Variants in WWOX observed in about 807,000 individuals in gnomAD.
The protein encoded by WWOX is WW domain-containing oxidoreductase.
Under a neutral mutation model 46.2 loss-of-function variants are expected in WWOX, and 69 were observed. The ratio of observed to expected loss-of-function variants is 1.49; its 90% CI spans 1.23 to 1.82. The LOEUF is 1.82. WWOX is among the 40% of genes most tolerant of loss of function. The probability of loss-of-function intolerance (pLI) is 0.00; values close to 1 mark genes in which losing one functional copy is unlikely to be tolerated. For synonymous variants in WWOX, 359 were observed against 202.6 expected (o/e 1.77, Z -6.56); for missense variants, 919 against 542.6 (o/e 1.69, Z -6.89).
At chr16:78,360,941 C>T (rs558261734) in intron 5 of WWOX, among the ~76,000 whole-genome samples, 35 of 152,020 alleles carry the variant, frequency 2.3e-4, no homozygotes, top group Non-Finnish European at 4.4e-4. Flanking sequence ...CCACCTCAGT[C>T]TCCTGAGTAT....
intron 5 of WWOX, among the ~76,000 whole-genome samples, chr16:78,255,623 C>T (rs1162452830): frequency 3.9e-5 from 6 of 152,094 alleles, no homozygotes; most frequent in Admixed American, 3.9e-4. Context: ...CTTCTTCCTT[C>T]ACACACACAC....
chr16:78,514,897 A>G (rs751590504), intron 8 of WWOX, among the ~76,000 whole-genome samples: 1 of 152,184 alleles, frequency 6.6e-6, no homozygotes, highest in African/African-American at 2.4e-5. Context: ...AGTTTCATAT[A>G]TCAGGTAGCA....
Position 78,979,718 on chromosome 16 carries a change from C to A in WWOX, c.1057-231890C>A, listed in dbSNP as rs542086491. 8.5e-5 allele frequency among the ~76,000 whole-genome samples: 13 copies of A among 152,268 alleles called. 1 individual carries two copies. The highest frequency in any genetic ancestry group is 2.4e-4 in the African/African-American group (10 of 41,542). On this transcript the variant is annotated intron_variant, in intron 8 of 8. Transcript: ENST00000566780. ...CCGTCCATGCTTGAGGCATGAGATG[C>A]TGAAGATAAAGGTCCCCAGTGGTCC...
At chr16:78,466,077 G>A (rs1475188545) in intron 8 of WWOX, among the ~76,000 whole-genome samples, 1 of 151,886 alleles carries the variant, frequency 6.6e-6, no homozygotes, top group Non-Finnish European at 1.5e-5. Context: ...TGTTGCCCAG[G>A]CTGGAGTGCA....
At chr16:78,218,589 A>T (rs1202121577) in intron 5 of WWOX, among the ~76,000 whole-genome samples, 3 of 152,230 alleles carry the variant, frequency 2.0e-5, no homozygotes, top group Non-Finnish European at 4.4e-5. Flanking sequence ...AAGGAAAAAA[A>T]AAATGTCACG....
chr16:78,567,063 G>C (rs2151567034), intron 8 of WWOX, among the ~76,000 whole-genome samples: 1 of 152,310 alleles, frequency 6.6e-6, no homozygotes, highest in Non-Finnish European at 1.5e-5. Flanking sequence ...CCCACCCTAA[G>C]TGATAGGTGT....
In WWOX at chr16:78,775,477, T is replaced by C. The variant is rs148258764; in HGVS notation, c.1056+342725T>C. Among the ~76,000 whole-genome samples the C allele has an allele frequency of 3.7e-3, 566 of 152,292 alleles. 6 individuals are homozygous for C. The highest frequency in any genetic ancestry group is 0.02 in the South Asian group (95 of 4,812). ...GATACCCAGACTCATTTCTCATCTC[T>C]TGTTGAAACAGAGAAGTCACTGTAG... On this transcript the variant is annotated intron_variant, in intron 8 of 8. Coordinates refer to ENST00000566780, the MANE Select transcript of WWOX (RefSeq NM_016373.4).
chr16:78,800,725 T>C (rs2050864178), intron 8 of WWOX, among the ~76,000 whole-genome samples: 1 of 152,172 alleles, frequency 6.6e-6, no homozygotes, highest in Non-Finnish European at 1.5e-5. Context: ...AATGAGGGAA[T>C]TGTCTAAAAT....
intron 8 of WWOX, among the ~76,000 whole-genome samples, chr16:78,484,160 T>C (rs2084568953): frequency 6.6e-6 from 1 of 152,174 alleles, no homozygotes; most frequent in South Asian, 2.1e-4. Context: ...ACATATGAAT[T>C]TGTAGGAGCT....
chr16:78,566,001 A>G (rs1238196236), intron 8 of WWOX, among the ~76,000 whole-genome samples: 1 of 150,500 alleles, frequency 6.6e-6, no homozygotes, highest in Non-Finnish European at 1.5e-5. Context: ...TGGGCAGGTT[A>G]AACAGCAGAC....
chr16:78,465,015 A>C lies in WWOX; in HGVS notation c.1056+32263A>C, dbSNP rs1397928. Among the ~76,000 whole-genome samples, 581 of 152,316 alleles carry C rather than the reference A, an allele frequency of 3.8e-3. 2 individuals are homozygous for C. The highest frequency in any genetic ancestry group is 0.013 in the African/African-American group (541 of 41,568). ...AGGCACATCTTACATGGCAGCAGAC[A>C]AGAAAGCGTGTGCAGGGGAACTGCC... On this transcript the variant is annotated intron_variant, in intron 8 of 8. Transcript: ENST00000566780.
intron 8 of WWOX, among the ~76,000 whole-genome samples, chr16:78,570,089 C>A (rs1597283503): frequency 2.0e-5 from 3 of 152,130 alleles, no homozygotes; most frequent in African/African-American, 7.2e-5. Flanking sequence ...GTTCATATAA[C>A]TTCTTTATTG....
At chr16:78,928,997 A>G (rs904417741) in intron 8 of WWOX, among the ~76,000 whole-genome samples, 2 of 152,228 alleles carry the variant, frequency 1.3e-5, no homozygotes, top group South Asian at 2.1e-4. Flanking sequence ...ACATTTCTGT[A>G]TATATAATAT....
intron 8 of WWOX, among the ~76,000 whole-genome samples, chr16:78,943,409 C>A (rs1427106762): frequency 6.6e-6 from 1 of 152,106 alleles, no homozygotes; most frequent in African/African-American, 2.4e-5. Flanking sequence ...TCCCCCAGGC[C>A]AGATAACCCA....
chr16:78,743,156 T>G (rs2049271615), intron 8 of WWOX, among the ~76,000 whole-genome samples: 1 of 152,124 alleles, frequency 6.6e-6, no homozygotes, highest in Admixed American at 6.5e-5. Flanking sequence ...CAGCCGTTAT[T>G]GATATCAGTT....
intron 8 of WWOX, among the ~76,000 whole-genome samples, chr16:78,489,721 A>T (rs4888805): frequency 0.63 from 96,077 of 152,076 alleles, 33,950 homozygotes; most frequent in East Asian, 0.82. Context: ...TGATGGCAAG[A>T]TGCCGTTCTG....
At position 78,999,893 on chromosome 16, in the gene WWOX, A is replaced by G. The variant is rs2047060999; in HGVS notation, c.1057-211715A>G. Among the ~76,000 whole-genome samples, 3 of 152,224 alleles carry G rather than the reference A, an allele frequency of 2.0e-5. No homozygotes were observed. The South Asian group carries it at 6.2e-4, about 32-fold the overall frequency. ...ATAAAAAATTAAAAAGAGTTACTGT[A>G]ATGATTATAAAATGAAAATTCTACG... On this transcript the variant is annotated intron_variant, in intron 8 of 8. Coordinates refer to ENST00000566780, the MANE Select transcript of WWOX (RefSeq NM_016373.4).
At chr16:78,998,017 C>G (rs1367693857) in intron 8 of WWOX, among the ~76,000 whole-genome samples, 1 of 152,108 alleles carries the variant, frequency 6.6e-6, no homozygotes. Flanking sequence ...GCTGGGATTA[C>G]AGGCATGCGC....
chr16:78,911,591 C>T (rs563782539), intron 8 of WWOX, among the ~76,000 whole-genome samples: 1 of 152,164 alleles, frequency 6.6e-6, no homozygotes, highest in South Asian at 2.1e-4. Flanking sequence ...CCAGGCCGGG[C>T]ACAGTGGCTC....
Sources: gnomAD v4.1 joint callset for allele counts (sites outside exome capture counted in the v4.1 genomes callset) on GRCh38, gnomAD v4.1.1 for gene constraint, MANE v1.5 for transcripts, NCBI Gene and HGNC (gene_info 2026-07-23, HGNC 2026-07-21) for gene names.